AEBP2: variants seen among roughly 807,000 people sequenced by gnomAD.
AEBP2 encodes the protein zinc finger protein AEBP2.
In AEBP2, 10 loss-of-function variants were observed where a neutral mutation model predicts 50.8. That is an observed-to-expected ratio of 0.20 (90% confidence interval 0.12 to 0.33). The LOEUF is 0.33. Among genes scored for constraint, AEBP2 ranks in the 10% least tolerant of loss-of-function variants. AEBP2 has a pLI of 1.00. For synonymous variants in AEBP2, 296 were observed against 261.3 expected, an observed-to-expected ratio of 1.13 and a Z score of -1.28; for missense variants, 570 against 688.0, an observed-to-expected ratio of 0.83 and a Z score of 1.92.
intron 1 of AEBP2, among the ~76,000 whole-genome samples, chr12:19,454,125 A>G (rs1042087787): frequency 6.6e-6 from 1 of 152,018 alleles, no homozygotes; most frequent in African/African-American, 2.4e-5. Flanking sequence ...TCCTGAGCTC[A>G]AGCCGTTCGC....
At chr12:19,413,043 TC>T (rs1295851056) in intron 1 of AEBP2, 1 of 474,926 alleles carries the variant, frequency 2.1e-6, no homozygotes, top group Non-Finnish European at 3.9e-6. Flanking sequence ...AGCGGGCTCG[TC>T]CTGGCGGGCC....
chr12:19,492,014 C>T (rs1195290355), intron 3 of AEBP2, among the ~76,000 whole-genome samples: 1 of 151,946 alleles, frequency 6.6e-6, no homozygotes, highest in Non-Finnish European at 1.5e-5. Flanking sequence ...AGAGGTACCT[C>T]GATTGAAGGA....
chr12:19,456,707 G>T, intron 1 of AEBP2: 1 of 1,583,762 alleles, frequency 6.3e-7, no homozygotes. Context: ...TGACATTGAA[G>T]CCCACATTGT....
At chr12:19,410,096 C>T (rs2095738477) in intron 1 of AEBP2, among the ~76,000 whole-genome samples, 1 of 152,162 alleles carries the variant, frequency 6.6e-6, no homozygotes, top group South Asian at 2.1e-4. Flanking sequence ...GGGCTTCTCT[C>T]TCAAGAAATT....
At chr12:19,514,870 A>C in intron 7 of AEBP2, 86 bp downstream of exon 7, 1 of 990,522 alleles carries the variant, frequency 1.0e-6, no homozygotes, top group Non-Finnish European at 1.5e-6. Context: ...CTTAGTTTTA[A>C]GTGCTGAATT....
At chr12:19,405,879 G>A (rs918250513) in intron 1 of AEBP2, among the ~76,000 whole-genome samples, 4 of 151,762 alleles carry the variant, frequency 2.6e-5, no homozygotes, top group Non-Finnish European at 5.9e-5. Flanking sequence ...TCAGCTCACT[G>A]CAACCTCCAC....
chr12:19,498,675 T>G (rs540120810), intron 4 of AEBP2, among the ~76,000 whole-genome samples: 1 of 152,314 alleles, frequency 6.6e-6, no homozygotes, highest in African/African-American at 2.4e-5. Context: ...TCCACAAATG[T>G]AAAATAATCA....
chr12:19,419,442 A>T (rs1197359897), intron 1 of AEBP2, among the ~76,000 whole-genome samples: 1 of 152,000 alleles, frequency 6.6e-6, no homozygotes, highest in African/African-American at 2.4e-5. Context: ...ACAAAAACTT[A>T]GCCAGGCGTA....
At chr12:19,437,054 G>C (rs2652013), upstream of AEBP2, among the ~76,000 whole-genome samples, 129,177 of 152,158 alleles carry the variant, frequency 0.85, 55,135 homozygotes, top group African/African-American at 0.93. Context: ...GCCATGAAAC[G>C]AAGAAAGGTC....
intron 1 of AEBP2, among the ~76,000 whole-genome samples, chr12:19,432,886 A>G (rs2095752134): frequency 6.6e-6 from 1 of 152,086 alleles, no homozygotes; most frequent in Admixed American, 6.6e-5. Context: ...TAGATGAACC[A>G]ATGAAATTCA....
rs112880439 is a variant in AEBP2, at chr12:19,427,809, G to A, written c.-17+23593G>A. On this transcript the variant is annotated intron_variant, in intron 1 of 3. Transcript: ENST00000538425. ...AGTTTATAGATAGTAGGGTGGGAAG[G>A]ACAGGAAATTGAAGGATTTTACTCC... is the stretch of plus-strand genomic sequence containing the variant. 2.6e-5 allele frequency among the ~76,000 whole-genome samples: 4 copies of A among 152,116 alleles called. 1 individual carries two copies. Among genetic ancestry groups the A allele is most frequent in the African/African-American group, 9.6e-5 (4 of 41,514 alleles).
At chr12:19,503,347 A>ATGTG (rs374112477) in intron 5 of AEBP2, among the ~76,000 whole-genome samples, 16 of 146,866 alleles carry the variant, frequency 1.1e-4, no homozygotes, top group Admixed American at 8.8e-4. Flanking sequence ...GTGTGTGTGT[A>ATGTG]TGTGTGTGTG....
chr12:19,482,073 G>C (rs571663256), intron 3 of AEBP2, among the ~76,000 whole-genome samples: 1 of 152,168 alleles, frequency 6.6e-6, no homozygotes, highest in Non-Finnish European at 1.5e-5. Context: ...CATTTGTTTA[G>C]ACTATTTCGG....
At chr12:19,496,975 T>TTA (rs1347266260) in intron 4 of AEBP2, among the ~76,000 whole-genome samples, 1 of 151,412 alleles carries the variant, frequency 6.6e-6, no homozygotes, top group African/African-American at 2.4e-5. Flanking sequence ...CTGATAAAAT[T>TTA]TATATATATA....
intron 3 of AEBP2, among the ~76,000 whole-genome samples, chr12:19,476,567 C>A (rs1164771539): frequency 6.6e-6 from 1 of 152,162 alleles, no homozygotes; most frequent in African/African-American, 2.4e-5. Flanking sequence ...GTCTCGAACT[C>A]CTGACCTCAA....
intron 2 of AEBP2, among the ~76,000 whole-genome samples, chr12:19,472,862 T>C (rs913412035): frequency 4.6e-5 from 7 of 152,186 alleles, no homozygotes; most frequent in African/African-American, 7.2e-5. Flanking sequence ...TTACAAAATA[T>C]ACCTTTCATA....
At chr12:19,471,362 C>T (rs1401242327) in intron 2 of AEBP2, among the ~76,000 whole-genome samples, 2 of 152,182 alleles carry the variant, frequency 1.3e-5, no homozygotes, top group Admixed American at 6.5e-5. Flanking sequence ...AGCAATCCTC[C>T]TGCCTTGGCC....
At chr12:19,413,259 A>C in intron 1 of AEBP2, 1 of 1,142,038 alleles carries the variant, frequency 8.8e-7, no homozygotes, top group South Asian at 1.2e-5. Context: ...GGTTTAAGTA[A>C]CTTAGCACTT....
Position 19,518,214 on chromosome 12 carries a change from C to G in AEBP2, c.*97C>G. Reference sequence around the variant, plus strand: ...GGAAAGTTGCACATTAGAGTCAACCCCTTCTTTTTTTTTTTTTTTTTTTTA... The same window carrying G: ...GGAAAGTTGCACATTAGAGTCAACCGCTTCTTTTTTTTTTTTTTTTTTTTA... On this transcript the variant is annotated 3_prime_UTR_variant, in exon 8 of 8. Transcript: ENST00000266508. The G allele has an allele frequency of 7.5e-7, 1 of 1,335,012 alleles. No individual in the cohort carries two copies. The highest frequency in any genetic ancestry group is 2.0e-5 in the South Asian group (1 of 49,224). The allele number at this position is 1,335,012 out of a possible 1,614,324, so 82.7% of individuals were successfully genotyped here.
Sources: allele counts gnomAD v4.1 joint callset (sites outside exome capture counted in the v4.1 genomes callset), GRCh38; gene constraint gnomAD v4.1.1; transcripts MANE v1.5; gene names NCBI Gene and HGNC (gene_info 2026-07-23, HGNC 2026-07-21).